Variants in TAF2 observed in about 807,000 individuals in gnomAD.
TAF2 encodes TATA-box binding protein associated factor 2.
TAF2 carries 61 observed loss-of-function variants against 138.5 expected under a neutral mutation model. That is an observed-to-expected ratio of 0.44 (90% CI 0.36 to 0.54). The LOEUF (loss-of-function observed/expected upper bound fraction) is 0.54. Among genes scored for constraint, TAF2 ranks in the 20% least tolerant of loss-of-function variants. The probability of loss-of-function intolerance (pLI) is 0.00; values close to 1 mark genes in which losing one functional copy is unlikely to be tolerated. For synonymous variants in TAF2, 475 were observed against 469.9 expected (o/e 1.01, Z -0.14); for missense variants, 1,090 against 1,427.9 (o/e 0.76, Z 3.81).
At chr8:119,748,288 C>T (rs1820120958) in intron 22 of TAF2, among the ~76,000 whole-genome samples, 2 of 151,566 alleles carry the variant, frequency 1.3e-5, no homozygotes, top group Non-Finnish European at 2.9e-5. Flanking sequence ...TGTGGTTTTC[C>T]ACAACAAATA....
intron 20 of TAF2, among the ~76,000 whole-genome samples, chr8:119,760,093 C>A (rs188022388): frequency 6.6e-6 from 1 of 151,958 alleles, no homozygotes. Context: ...CTATTCTTCA[C>A]GACTTTTTAA....
chr8:119,774,918 AAAAC>A (rs1345635963), intron 18 of TAF2, among the ~76,000 whole-genome samples: 17 of 152,066 alleles, frequency 1.1e-4, no homozygotes, highest in East Asian at 1.9e-4. Context: ...ATACATGGTA[AAAAC>A]AAACAAACAA....
chr8:119,731,795 AT>A lies in TAF2; in HGVS notation c.*128del. On this transcript the variant is annotated 3_prime_UTR_variant, in exon 26 of 26. Coordinates refer to ENST00000378164, the MANE Select transcript of TAF2 (RefSeq NM_003184.4). The stretch of plus-strand genomic sequence containing the variant: ...CATAAATCAAATGCTTAGAACTTAA[AT>A]GAATTCAGAATTTCTGTAGGAGAGG... 1 of 902,736 alleles carries A rather than the reference AT, an allele frequency of 1.1e-6. No individual in the cohort carries two copies. The highest frequency in any genetic ancestry group is 1.8e-6 in the Non-Finnish European group (1 of 551,886). The allele number at this position is 902,736 out of a possible 1,614,324, so 55.9% of individuals were successfully genotyped here. A position where few individuals can be genotyped will look rare whatever the true frequency, so the allele number is the denominator to read the frequency against.
intron 21 of TAF2, among the ~76,000 whole-genome samples, chr8:119,756,887 AAGAAGAAACC>A (rs1158710201): frequency 9.2e-5 from 14 of 152,326 alleles, no homozygotes; most frequent in Non-Finnish European, 1.8e-4. Flanking sequence ...AAGGAGAAGT[AAGAAGAAACC>A]TACTGCAGTA....
chr8:119,743,316 A>T (rs776621248), intron 24 of TAF2, among the ~76,000 whole-genome samples: 8 of 152,124 alleles, frequency 5.3e-5, no homozygotes, highest in Non-Finnish European at 1.2e-4. Flanking sequence ...AACTAAATAT[A>T]CAGGATCACA....
intron 22 of TAF2, among the ~76,000 whole-genome samples, chr8:119,749,085 T>A (rs961144649): frequency 6.6e-6 from 1 of 152,172 alleles, no homozygotes; most frequent in Non-Finnish European, 1.5e-5. Flanking sequence ...CAATTGTGAA[T>A]CCCTTAACAT....
chr8:119,825,996 T>G (rs979810592), intron 2 of TAF2, among the ~76,000 whole-genome samples: 1 of 151,852 alleles, frequency 6.6e-6, no homozygotes, highest in African/African-American at 2.4e-5. Context: ...CTGGCCCTGA[T>G]GGTTTTAAAA....
rs1376533872 is a variant in TAF2 at position 119,783,675 on chromosome 8, C to A, written c.1860-42G>T. 6.4e-6 allele frequency: 10 copies of A among 1,565,448 alleles called. No homozygotes were observed. The East Asian group carries it at 2.4e-4, about 38-fold the overall frequency. ...TTTTCTTTTTAATTTAATTTTTAAA[C>A]TTATCATCTATATATTTAGAAAATA... On this transcript the variant is annotated intron_variant, in intron 15 of 25. Transcript: ENST00000378164.
At chr8:119,790,445 C>A (rs1188989457) in intron 11 of TAF2, among the ~76,000 whole-genome samples, 1 of 150,888 alleles carries the variant, frequency 6.6e-6, no homozygotes, top group South Asian at 2.1e-4. Flanking sequence ...CAAAAAAAAA[C>A]AAAACAAACC....
intron 3 of TAF2, among the ~76,000 whole-genome samples, chr8:119,811,442 C>T (rs1468736562): frequency 3.9e-5 from 6 of 151,968 alleles, no homozygotes; most frequent in African/African-American, 9.7e-5. Context: ...GTAAACAGCT[C>T]GATAAATTTT....
chr8:119,807,024 G>A (rs189219393), intron 3 of TAF2, among the ~76,000 whole-genome samples: 20 of 152,228 alleles, frequency 1.3e-4, no homozygotes, highest in African/African-American at 3.1e-4. Context: ...TAAAGAATAC[G>A]TGAAGCACTG....
At chr8:119,759,017 A>G (rs1820881632) in intron 20 of TAF2, among the ~76,000 whole-genome samples, 1 of 152,134 alleles carries the variant, frequency 6.6e-6, no homozygotes. Context: ...AACTTATAAA[A>G]TCTTACTCAT....
In TAF2 at chr8:119,731,724, A is replaced by C; in HGVS notation, c.*200T>G. The C allele has an allele frequency of 1.6e-6, 1 of 611,800 alleles. No homozygotes were observed. Among genetic ancestry groups the C allele is most frequent in the Non-Finnish European group, 2.9e-6 (1 of 348,226 alleles). The allele number at this position is 611,800 out of a possible 1,614,324, so 37.9% of individuals were successfully genotyped here. On this transcript the variant is annotated 3_prime_UTR_variant, in exon 26 of 26. Coordinates refer to ENST00000378164, the MANE Select transcript of TAF2 (RefSeq NM_003184.4). ...ACAGCGGATGAAATAGTTTATCCAGAACTACAAAACACATTTTCCTAATTA... is the reference window on the plus strand; with the variant it reads ...ACAGCGGATGAAATAGTTTATCCAGCACTACAAAACACATTTTCCTAATTA...
chr8:119,787,402 A>C lies in TAF2; in HGVS notation c.1793+936T>G, dbSNP rs551246006. Among the ~76,000 whole-genome samples the C allele has an allele frequency of 1.7e-4, 26 of 152,164 alleles. No homozygotes were observed. In the South Asian group the frequency reaches 1.9e-3, roughly 11 times the overall value. ...AACAAAAACAAACAAACAAAAAAAA[A>C]CCCAACCCCATCAAAAAGTGGGTTA... On this transcript the variant is annotated intron_variant, in intron 14 of 25. Coordinates refer to ENST00000378164, the MANE Select transcript of TAF2 (RefSeq NM_003184.4).
At chr8:119,809,576 T>C (rs1824893670) in intron 3 of TAF2, among the ~76,000 whole-genome samples, 1 of 152,204 alleles carries the variant, frequency 6.6e-6, no homozygotes, top group Non-Finnish European at 1.5e-5. Context: ...ACCATTTCTA[T>C]AGCTTTTGGT....
chr8:119,807,534 G>A (rs185751452), intron 3 of TAF2, among the ~76,000 whole-genome samples: 23 of 152,322 alleles, frequency 1.5e-4, no homozygotes, highest in African/African-American at 5.1e-4. Context: ...CCACATCCTC[G>A]TTGTACACCT....
At chr8:119,828,567 T>G (rs1459940532) in intron 2 of TAF2, among the ~76,000 whole-genome samples, 2 of 152,130 alleles carry the variant, frequency 1.3e-5, no homozygotes, top group Non-Finnish European at 2.9e-5. Flanking sequence ...AACAAGGGTC[T>G]AGGTCATCCC....
At chr8:119,826,404 A>G (rs537238258) in intron 2 of TAF2, among the ~76,000 whole-genome samples, 1 of 152,230 alleles carries the variant, frequency 6.6e-6, no homozygotes, top group African/African-American at 2.4e-5. Flanking sequence ...CCCCAGCCAC[A>G]TGGAACTGTG....
At chr8:119,803,831 A>G in intron 5 of TAF2, 47 bp downstream of exon 5, 3 of 1,549,076 alleles carry the variant, frequency 1.9e-6, no homozygotes, top group Non-Finnish European at 2.6e-6. Flanking sequence ...ATACATAAAA[A>G]ATGCAATTTA....
Sources: allele counts gnomAD v4.1 joint callset (sites outside exome capture counted in the v4.1 genomes callset), GRCh38; gene constraint gnomAD v4.1.1; transcripts MANE v1.5; gene names NCBI Gene and HGNC (gene_info 2026-07-23, HGNC 2026-07-21).